SCHIP1: variants seen among roughly 807,000 people sequenced by gnomAD.
The protein encoded by SCHIP1 is schwannomin interacting protein 1, also known as schwannomin-interacting protein 1.
A neutral mutation model predicts 29.7 loss-of-function variants in SCHIP1; 8 were observed. That is an observed-to-expected ratio of 0.27 (90% CI 0.16 to 0.49). The LOEUF is 0.49. Ranked by LOEUF, SCHIP1 falls within the 20% of genes least tolerant of loss-of-function variation. SCHIP1 has a pLI of 0.99. For synonymous variants in SCHIP1, 76 were observed against 94.9 expected (o/e 0.80, Z 1.16); for missense variants, 193 against 294.6 (o/e 0.66, Z 2.52).
chr3:159,303,186 C>T, the SCHIP1 span, among the ~76,000 whole-genome samples: 1 of 151,948 alleles, frequency 6.6e-6, no homozygotes, highest in East Asian at 1.9e-4. Flanking sequence ...CTGGGGAAGA[C>T]ATCATGGAGG....
the SCHIP1 span, among the ~76,000 whole-genome samples, chr3:159,491,944 G>A: frequency 6.6e-6 from 1 of 152,184 alleles, no homozygotes. Context: ...CAGTTCATCA[G>A]TATTCGCTGT....
the SCHIP1 span, among the ~76,000 whole-genome samples, chr3:159,713,110 G>A: frequency 5.4e-5 from 8 of 148,152 alleles, no homozygotes; most frequent in Non-Finnish European, 1.0e-4. Flanking sequence ...AGCCAAGATC[G>A]AGCCATTGCA....
chr3:159,519,395 G>C, the SCHIP1 span, among the ~76,000 whole-genome samples: 2 of 152,010 alleles, frequency 1.3e-5, no homozygotes, highest in African/African-American at 4.8e-5. Flanking sequence ...AGGATCTAGT[G>C]AAAGAAGAAA....
At chr3:159,703,417 C>T in the SCHIP1 span, among the ~76,000 whole-genome samples, 3 of 152,082 alleles carry the variant, frequency 2.0e-5, no homozygotes, top group African/African-American at 7.2e-5. Flanking sequence ...TCTACCAATG[C>T]CTGGTATGGA....
chr3:159,470,004 A>G, the SCHIP1 span, among the ~76,000 whole-genome samples: 1 of 152,296 alleles, frequency 6.6e-6, no homozygotes, highest in African/African-American at 2.4e-5. Flanking sequence ...GCAATGAAAC[A>G]TTTATATATA....
intron 1 of SCHIP1, among the ~76,000 whole-genome samples, chr3:159,846,639 A>G (rs1324725870): frequency 2.6e-5 from 4 of 152,216 alleles, no homozygotes; most frequent in African/African-American, 9.6e-5. Flanking sequence ...TTAGTGCTCT[A>G]TTTGATGGAG....
chr3:159,375,668 C>A, the SCHIP1 span: 1 of 265,176 alleles, frequency 3.8e-6, no homozygotes, highest in Non-Finnish European at 5.8e-6. Flanking sequence ...ACCCGGGAGG[C>A]GGAGGTTGCA....
intron 6 of SCHIP1, 81 bp from the exon 8 acceptor site, chr3:159,896,642 G>T: frequency 1.5e-6 from 2 of 1,367,432 alleles, no homozygotes; most frequent in Non-Finnish European, 1.9e-6. Flanking sequence ...ACTTCAGTTT[G>T]CAGGATGCTG....
chr3:159,850,558 A>AAAAAAAAAAAG (rs1712470837), intron 1 of SCHIP1, among the ~76,000 whole-genome samples: 1 of 145,676 alleles, frequency 6.9e-6, no homozygotes, highest in African/African-American at 2.6e-5. Context: ...AAAAAAAAAA[A>AAAAAAAAAAAG]AAAAAAAAGG....
At chr3:159,883,574 C>T (rs777330927) in intron 2 of SCHIP1, among the ~76,000 whole-genome samples, 3 of 152,172 alleles carry the variant, frequency 2.0e-5, no homozygotes, top group Non-Finnish European at 4.4e-5. Flanking sequence ...TCTTAAAACC[C>T]GCTTAAAGGC....
intron 1 of SCHIP1, among the ~76,000 whole-genome samples, chr3:159,852,355 G>A (rs1712760030): frequency 6.6e-6 from 1 of 152,126 alleles, no homozygotes; most frequent in Non-Finnish European, 1.5e-5. Flanking sequence ...TATTTCTCCT[G>A]CAAACAGTAG....
At chr3:159,437,604 G>A in the SCHIP1 span, among the ~76,000 whole-genome samples, 3 of 151,922 alleles carry the variant, frequency 2.0e-5, no homozygotes, top group African/African-American at 7.3e-5. Flanking sequence ...AGGAGACGGT[G>A]GAGGGGGAAA....
chr3:159,607,814 T>C, the SCHIP1 span, among the ~76,000 whole-genome samples: 1 of 152,148 alleles, frequency 6.6e-6, no homozygotes, highest in Admixed American at 6.5e-5. Context: ...CATAATGTAA[T>C]GCTTTCTCCA....
At chr3:159,688,294 T>C in the SCHIP1 span, among the ~76,000 whole-genome samples, 1 of 152,354 alleles carries the variant, frequency 6.6e-6, no homozygotes, top group East Asian at 1.9e-4. Context: ...ATCGCCATTC[T>C]AACAGGCGTG....
the SCHIP1 span, among the ~76,000 whole-genome samples, chr3:159,747,142 C>T: frequency 2.6e-5 from 4 of 152,172 alleles, no homozygotes; most frequent in Admixed American, 1.3e-4. Flanking sequence ...ACAGTAACTG[C>T]ATGAATAGAG....
the SCHIP1 span, among the ~76,000 whole-genome samples, chr3:159,647,431 C>T: frequency 6.6e-6 from 1 of 152,046 alleles, no homozygotes; most frequent in East Asian, 1.9e-4. Flanking sequence ...AAAAACAAGG[C>T]TACAGGGAAG....
chr3:159,654,802 T>TA, the SCHIP1 span, among the ~76,000 whole-genome samples: 9,590 of 103,656 alleles, frequency 0.093, 485 homozygotes, highest in East Asian at 0.19. Context: ...TGACTTTAAG[T>TA]AAAAAAAAAA....
chr3:159,836,408 C>T (rs985331717), upstream of SCHIP1, among the ~76,000 whole-genome samples: 4 of 152,202 alleles, frequency 2.6e-5, no homozygotes, highest in African/African-American at 9.7e-5. Context: ...CTAATCACCC[C>T]TCAATGGCCC....
the SCHIP1 span, among the ~76,000 whole-genome samples, chr3:159,547,953 G>T: frequency 6.6e-6 from 1 of 152,084 alleles, no homozygotes; most frequent in African/African-American, 2.4e-5. Flanking sequence ...ATTTTCTGTA[G>T]TATTCTATTA....
Sources: allele counts gnomAD v4.1 joint callset (sites outside exome capture counted in the v4.1 genomes callset), GRCh38; gene constraint gnomAD v4.1.1; transcripts MANE v1.5; gene names NCBI Gene and HGNC (gene_info 2026-07-23, HGNC 2026-07-21).